The following NUP155 variants were observed in gnomAD, a reference collection of about 807,000 sequenced individuals.
NUP155 encodes nuclear pore complex protein Nup155.
A neutral mutation model predicts 180.4 loss-of-function variants in NUP155; 71 were observed. The observed-to-expected ratio is 0.39, with a 90% CI of 0.33 to 0.48. The LOEUF (loss-of-function observed/expected upper bound fraction) is 0.48, where lower values mean the gene tolerates loss of function less well. NUP155 is among the 20% of genes least tolerant of loss of function. The pLI, the probability that NUP155 is intolerant of heterozygous loss-of-function variation, is 0.91. For synonymous variants in NUP155, 582 were observed against 559.5 expected (o/e 1.04, Z -0.57); for missense variants, 1,553 against 1,648.9 (o/e 0.94, Z 1.01).
At chr5:37,363,829 ACAG>A in intron 3 of NUP155, 56 bp downstream of exon 3, 1 of 1,090,350 alleles carries the variant, frequency 9.2e-7, no homozygotes. Flanking sequence ...AACACTAGCT[ACAG>A]TAAAGTTTAT....
chr5:37,305,192 G>A lies in NUP155; in HGVS notation c.2922C>T (p.Cys974=). ...CCAGTTCTTGAAGTGTGTCTGTAAT[G>A]CATTTGTAACTGTTTAATCTGAAAG... ...AFQERLNSYK[C]ITDTLQELVN... is the part of the protein sequence containing the mutation. The change falls in exon 26 of 35, where the codon TGC becomes TGT. Residue 974 remains cysteine (C), a synonymous_variant. Coordinates refer to ENST00000231498, the MANE Select transcript of NUP155 (RefSeq NM_153485.3). 2 of 1,612,724 alleles carry A rather than the reference G, an allele frequency of 1.2e-6. No homozygotes were observed. Among genetic ancestry groups the A allele is most frequent in the Admixed American group, 1.7e-5 (1 of 60,020 alleles).
At chr5:37,328,959 T>C (rs1193767652) in intron 16 of NUP155, among the ~76,000 whole-genome samples, 1 of 152,210 alleles carries the variant, frequency 6.6e-6, no homozygotes, top group Non-Finnish European at 1.5e-5. Context: ...CCTCTGAATA[T>C]ATACCAAATG....
At position 37,290,393 on chromosome 5, in the gene NUP155, C is replaced by T. The variant is rs1742182949; in HGVS notation, c.*1507G>A. 1 of 151,726 alleles carries T rather than the reference C, an allele frequency of 6.6e-6. No homozygotes were observed. Among genetic ancestry groups the T allele is most frequent in the Non-Finnish European group, 1.5e-5 (1 of 68,010 alleles). The allele number at this position is 151,726 out of a possible 1,614,324, so 9.4% of individuals were successfully genotyped here. The stretch of plus-strand genomic sequence containing the variant: ...TCGAGAGGCTGAGGCAGGCAAATTG[C>T]TTCAAACCTGTGAGGCAGAGGTTGC... On this transcript the variant is annotated 3_prime_UTR_variant, in exon 35 of 35. Transcript: ENST00000231498.
chr5:37,357,721 C>T (rs146353351), intron 4 of NUP155, among the ~76,000 whole-genome samples: 4 of 152,246 alleles, frequency 2.6e-5, no homozygotes, highest in East Asian at 1.9e-4. Context: ...CAGCCAGGCG[C>T]GGTGGCTTAC....
At chr5:37,304,111 G>A (rs1423991671) in intron 27 of NUP155, among the ~76,000 whole-genome samples, 3 of 151,706 alleles carry the variant, frequency 2.0e-5, no homozygotes, top group Non-Finnish European at 2.9e-5. Context: ...TTAGCTGTGC[G>A]TGGTGGCGGG....
chr5:37,354,960 C>T (rs569018099), intron 4 of NUP155, among the ~76,000 whole-genome samples: 12 of 151,878 alleles, frequency 7.9e-5, no homozygotes, highest in Non-Finnish European at 1.0e-4. Context: ...GGCCTGCTGG[C>T]GGGCGCCTGT....
chr5:37,317,394 A>G (rs1023698790), intron 21 of NUP155, among the ~76,000 whole-genome samples: 10 of 151,908 alleles, frequency 6.6e-5, no homozygotes, highest in African/African-American at 2.4e-4. Context: ...AGGCTGAGGC[A>G]GAAGAATTTC....
chr5:37,328,083 G>A (rs538945296), intron 17 of NUP155, among the ~76,000 whole-genome samples: 3 of 152,202 alleles, frequency 2.0e-5, no homozygotes, highest in Non-Finnish European at 4.4e-5. Flanking sequence ...TGCTTGTAAT[G>A]CTGACAGTGA....
chr5:37,358,771 C>A (rs1304766794), intron 3 of NUP155, among the ~76,000 whole-genome samples: 1 of 152,146 alleles, frequency 6.6e-6, no homozygotes, highest in Non-Finnish European at 1.5e-5. Context: ...GTAAACCCAG[C>A]ACTTTGGGAG....
intron 21 of NUP155, 125 bp from the exon 22 acceptor site, chr5:37,314,453 A>T (rs1743746182): frequency 1.4e-6 from 1 of 696,050 alleles, no homozygotes; most frequent in South Asian, 1.8e-5. Context: ...ACAGGCAACC[A>T]TGATAATCAG....
At chr5:37,346,912 T>C (rs1205006754) in intron 9 of NUP155, among the ~76,000 whole-genome samples, 2 of 151,976 alleles carry the variant, frequency 1.3e-5, no homozygotes, top group African/African-American at 4.8e-5. Flanking sequence ...CAACTAAGCT[T>C]GAACCACACA....
chr5:37,294,200 C>T (rs1439381731), intron 33 of NUP155, 129 bp downstream of exon 33: 1 of 638,512 alleles, frequency 1.6e-6, no homozygotes, highest in Non-Finnish European at 2.7e-6. Flanking sequence ...GCATAATTTC[C>T]AAGACTCAAC....
At chr5:37,299,105 C>A (rs1742733533) in intron 31 of NUP155, 127 bp from the exon 32 acceptor site, 1 of 714,726 alleles carries the variant, frequency 1.4e-6, no homozygotes, top group Non-Finnish European at 2.5e-6. Context: ...ATATGATTAA[C>A]AGATTTGGTG....
At chr5:37,332,088 C>T (rs1055309160) in intron 13 of NUP155, among the ~76,000 whole-genome samples, 8 of 149,874 alleles carry the variant, frequency 5.3e-5, no homozygotes, top group Middle Eastern at 3.5e-3. Flanking sequence ...GCAATTGCCC[C>T]GGCAAAGCTG....
In NUP155 at chr5:37,324,120, A is replaced by G. The variant is rs1744427842; in HGVS notation, c.2092-13T>C. The G allele has an allele frequency of 1.3e-6, 2 of 1,566,166 alleles. No homozygotes were observed. The highest frequency in any genetic ancestry group is 1.8e-6 in the Non-Finnish European group (2 of 1,136,600). ...CACTACTTTCAATCTGTAAAAATGA[A>G]AGATTTTTCAAAAGTTTAAAAACAC... On this transcript the variant is annotated splice_polypyrimidine_tract_variant and intron_variant, in intron 19 of 34. Coordinates refer to ENST00000231498, the MANE Select transcript of NUP155 (RefSeq NM_153485.3).
At chr5:37,297,934 GA>G (rs11303544) in intron 32 of NUP155, among the ~76,000 whole-genome samples, 72,788 of 132,788 alleles carry the variant, frequency 0.55, 19,702 homozygotes, top group African/African-American at 0.75. Flanking sequence ...ATGCTCATTT[GA>G]AAAAAAAAAA....
intron 5 of NUP155, 95 bp from the exon 6 acceptor site, chr5:37,351,451 T>G: frequency 1.1e-6 from 1 of 946,570 alleles, no homozygotes; most frequent in Admixed American, 2.3e-5. Context: ...TTTACTCAAT[T>G]CTTTTTTTTT....
Position 37,299,518 on chromosome 5 carries a change from TG to T in NUP155, c.3611del (p.Ala1204GlufsTer2). ...DPFKLAECKL[A>X]IIHCAGYSDP... ...CTGAATAACCGGCACAATGAATTATTGCAAGTTTGCACTCTGCAAGTTTAAA... is the reference window on the plus strand; with the variant it reads ...CTGAATAACCGGCACAATGAATTATTCAAGTTTGCACTCTGCAAGTTTAAA... On this transcript the variant is annotated frameshift_variant, in exon 31 of 35. Transcript: ENST00000231498. LOFTEE classifies it high-confidence loss of function. The T allele has an allele frequency of 6.2e-7, 1 of 1,614,126 alleles. No homozygotes were observed.
intron 33 of NUP155, 93 bp from the exon 34 acceptor site, chr5:37,293,078 A>G (rs1198124396): frequency 1.2e-6 from 1 of 846,976 alleles, no homozygotes; most frequent in Non-Finnish European, 2.0e-6. Flanking sequence ...GGATCCATGC[A>G]AAACTTATCG....
Sources: gnomAD v4.1 joint callset for allele counts (sites outside exome capture counted in the v4.1 genomes callset) on GRCh38, gnomAD v4.1.1 for gene constraint, MANE v1.5 for transcripts, NCBI Gene and HGNC (gene_info 2026-07-23, HGNC 2026-07-21) for gene names.